The following ACP2 variants were observed in gnomAD, a reference collection of about 807,000 sequenced individuals.
ACP2 encodes lysosomal acid phosphatase.
Under a neutral mutation model 54.7 loss-of-function variants are expected in ACP2, and 35 were observed. The ratio of observed to expected loss-of-function variants is 0.64; its 90% confidence interval spans 0.49 to 0.85. ACP2 has a LOEUF of 0.85. ACP2 is among the 40% of genes least tolerant of loss of function. The pLI, the probability that ACP2 is intolerant of heterozygous loss-of-function variation, is 0.00. For synonymous variants in ACP2, 210 were observed against 224.4 expected (o/e 0.94, Z 0.57); for missense variants, 492 against 565.0 (o/e 0.87, Z 1.31).
chr11:47,241,539 T>C (rs1953881076), intron 10 of ACP2, among the ~76,000 whole-genome samples: 1 of 152,084 alleles, frequency 6.6e-6, no homozygotes, highest in Admixed American at 6.6e-5. Context: ...AAAAGTTAAC[T>C]CTGCTGTGTT....
intron 9 of ACP2, 47 bp downstream of exon 9, chr11:47,242,971 C>A (rs1233923268): frequency 4.3e-6 from 7 of 1,612,516 alleles, no homozygotes; most frequent in Non-Finnish European, 5.9e-6. Context: ...TGCCCCGAGC[C>A]ACCTCCCGAG....
At chr11:47,247,046 C>A (rs1954147504) in intron 3 of ACP2, among the ~76,000 whole-genome samples, 1 of 152,148 alleles carries the variant, frequency 6.6e-6, no homozygotes, top group African/African-American at 2.4e-5. Flanking sequence ...AGAGGAACAG[C>A]TTCCCCCATT....
In ACP2 at chr11:47,240,165, G is replaced by A; in HGVS notation, c.1223C>T (p.Ala408Val). 2.5e-6 allele frequency: 4 copies of A among 1,614,152 alleles called. No homozygotes were observed. Among genetic ancestry groups the A allele is most frequent in the Non-Finnish European group, 3.4e-6 (4 of 1,180,026 alleles). ...GACGTGGCGGTAGCCAGGAGGCTGG[G>A]CCTGCATCCGGAAGAGGACGGTGAG... The part of the protein sequence containing the change: ...LLLTVLFRMQ[A>V]QPPGYRHVAD... Residue 408 changes from alanine (A) to valine (V), a missense_variant, in exon 11 of 11, where the codon GCC becomes GTC. Ala to Val is a moderately conservative substitution (Grantham distance 64). Coordinates refer to ENST00000672073, the MANE Select transcript of ACP2 (RefSeq NM_001610.4).
chr11:47,242,887 A>G lies in ACP2; in HGVS notation c.974T>C (p.Val325Ala), dbSNP rs1440158823. 1 of 1,611,992 alleles carries G rather than the reference A, an allele frequency of 6.2e-7. No homozygotes were observed. Among genetic ancestry groups the G allele is most frequent in the Non-Finnish European group, 8.5e-7 (1 of 1,178,262 alleles). The change falls in exon 10 of 11, where the codon GTG becomes GCG. Residue 325 changes from valine to alanine, a missense_variant. Val to Ala is a moderately conservative substitution (Grantham distance 64). Coordinates refer to ENST00000672073, the MANE Select transcript of ACP2 (RefSeq NM_001610.4). ...ACTCTCGTTCCGAAAGTACATCTCC[A>G]CTGAGAAATTCCTGAGGGTCGACAG... ...LYQEDSGNFSVEMYFRNESDK... is the reference protein window; with the variant it reads ...LYQEDSGNFSAEMYFRNESDK...
At chr11:47,242,688 G>A (rs774151863) in intron 10 of ACP2, 35 bp downstream of exon 10, 1 of 1,594,332 alleles carries the variant, frequency 6.3e-7, no homozygotes, top group Middle Eastern at 1.9e-4. Flanking sequence ...GGCTGGTCTA[G>A]GGCATGACTA....
At chr11:47,242,642 T>C (rs944699345) in intron 10 of ACP2, 81 bp downstream of exon 10, 29 of 1,516,964 alleles carry the variant, frequency 1.9e-5, no homozygotes, top group Non-Finnish European at 2.6e-5. Context: ...TGGCTGGAAG[T>C]GCGACAGCTC....
intron 7 of ACP2, among the ~76,000 whole-genome samples, chr11:47,244,234 G>C (rs1289099878): frequency 6.6e-5 from 10 of 152,150 alleles, no homozygotes; most frequent in Non-Finnish European, 1.2e-4. Flanking sequence ...TTCAAGACCA[G>C]CTTGGCCAAC....
At chr11:47,247,198 AT>A (rs1565166448) in intron 3 of ACP2, among the ~76,000 whole-genome samples, 2 of 152,126 alleles carry the variant, frequency 1.3e-5, no homozygotes, top group African/African-American at 4.8e-5. Context: ...CTCTCTACGC[AT>A]GTCTTCCCCG....
At chr11:47,241,804 G>A (rs1043492627) in intron 10 of ACP2, among the ~76,000 whole-genome samples, 18 of 152,206 alleles carry the variant, frequency 1.2e-4, no homozygotes, top group Admixed American at 5.9e-4. Flanking sequence ...GAGCAGCTGT[G>A]GAAGGAAAAG....
chr11:47,248,491 G>T, intron 1 of ACP2, 185 bp downstream of exon 1: 1 of 1,550,140 alleles, frequency 6.5e-7, no homozygotes, highest in Non-Finnish European at 8.7e-7. Context: ...TCACCCCGAC[G>T]TATTCGGTCA....
chr11:47,243,462 T>A (rs184170233), intron 7 of ACP2, 141 bp from the exon 8 acceptor site: 36 of 653,960 alleles, frequency 5.5e-5, no homozygotes, highest in African/African-American at 3.3e-4. Context: ...AGGGACCATG[T>A]AAGAACTCTG....
rs775259733 is a variant in ACP2 at position 47,245,293 on chromosome 11, T to C, written c.639+12A>G. On this transcript the variant is annotated intron_variant, in intron 6 of 10. Coordinates refer to ENST00000672073, the MANE Select transcript of ACP2 (RefSeq NM_001610.4). ...AAAAGAATGATCACAGTGGGCACCCTAGTGGGCTCACCTCACAGAAGAGTG... is the reference window on the plus strand; with the variant it reads ...AAAAGAATGATCACAGTGGGCACCCCAGTGGGCTCACCTCACAGAAGAGTG... 5 of 1,613,156 alleles carry C rather than the reference T, an allele frequency of 3.1e-6. No individual in the cohort carries two copies. The highest frequency in any genetic ancestry group is 2.2e-5 in the East Asian group (1 of 44,870).
chr11:47,247,163 C>A (rs1362894473), intron 3 of ACP2, among the ~76,000 whole-genome samples: 1 of 152,150 alleles, frequency 6.6e-6, no homozygotes, highest in African/African-American at 2.4e-5. Flanking sequence ...TCAAAAACCT[C>A]ATCTTGATCA....
chr11:47,245,713 G>C lies in ACP2; in HGVS notation c.419C>G (p.Pro140Arg). The part of the protein sequence containing the change: ...FNPNISWQPI[P>R]VHTVPITEDR... Reference sequence around the variant, plus strand: ...CTCAGTGATGGGCACAGTGTGCACAGGAATAGGCTGCCACGAGATGTTCGG... The same window carrying C: ...CTCAGTGATGGGCACAGTGTGCACACGAATAGGCTGCCACGAGATGTTCGG... Residue 140 changes from proline (P) to arginine (R), a missense_variant, in exon 4 of 11, where the codon CCT becomes CGT. Physicochemically the swap from Pro to Arg is moderately radical, Grantham distance 103. Coordinates refer to ENST00000672073, the MANE Select transcript of ACP2 (RefSeq NM_001610.4). 6.2e-7 allele frequency: 1 copy of C among 1,613,858 alleles called. No individual in the cohort carries two copies. Among genetic ancestry groups the C allele is most frequent in the Non-Finnish European group, 8.5e-7 (1 of 1,179,802 alleles).
At chr11:47,242,333 G>C (rs1391002257) in intron 10 of ACP2, among the ~76,000 whole-genome samples, 1 of 152,216 alleles carries the variant, frequency 6.6e-6, no homozygotes, top group Non-Finnish European at 1.5e-5. Flanking sequence ...TGGTGGCTGG[G>C]GAAGAGGTGG....
At chr11:47,244,666 C>G (rs923201729) in intron 7 of ACP2, 69 bp downstream of exon 7, 1 of 1,261,154 alleles carries the variant, frequency 7.9e-7, no homozygotes, top group Non-Finnish European at 1.1e-6. Context: ...GTGTGAGAAG[C>G]CCCCACAGCA....
intron 1 of ACP2, 133 bp downstream of exon 1, chr11:47,248,543 C>A (rs1226127886): frequency 6.4e-7 from 1 of 1,551,628 alleles, no homozygotes. Flanking sequence ...AATCCTGAAT[C>A]CAGCCTCCCA....
chr11:47,247,824 G>T, intron 2 of ACP2, 97 bp from the exon 3 acceptor site: 1 of 1,245,150 alleles, frequency 8.0e-7, no homozygotes, highest in Non-Finnish European at 1.1e-6. Context: ...TTCACGCTTT[G>T]CTGGAGTCAA....
Position 47,242,901 on chromosome 11 carries a change from G to T in ACP2, c.963-3C>A. Reference sequence around the variant, plus strand: ...AGTACATCTCCACTGAGAAATTCCTGAGGGTCGACAGGAGGCAACATGGGA... The same window carrying T: ...AGTACATCTCCACTGAGAAATTCCTTAGGGTCGACAGGAGGCAACATGGGA... On this transcript the variant is annotated splice_polypyrimidine_tract_variant and splice_region_variant and intron_variant, in intron 9 of 10. Coordinates refer to ENST00000672073, the MANE Select transcript of ACP2 (RefSeq NM_001610.4). 1 of 1,610,416 alleles carries T rather than the reference G, an allele frequency of 6.2e-7. No homozygotes were observed.
Sources: allele counts gnomAD v4.1 joint callset (sites outside exome capture counted in the v4.1 genomes callset), GRCh38; gene constraint gnomAD v4.1.1; transcripts MANE v1.5; gene names NCBI Gene and HGNC (gene_info 2026-07-23, HGNC 2026-07-21).